ZNF626: variants seen among roughly 807,000 people sequenced by gnomAD.
ZNF626 encodes the protein CTC-513N18.7.
Under a neutral mutation model 11.7 loss-of-function variants are expected in ZNF626, and 4 were observed. The ratio of observed to expected loss-of-function variants is 0.34; its 90% CI spans 0.17 to 0.78. The LOEUF (loss-of-function observed/expected upper bound fraction) is 0.78. Among genes scored for constraint, ZNF626 ranks in the 30% least tolerant of loss-of-function variants. The pLI is 0.57. For synonymous variants in ZNF626, 179 were observed against 198.6 expected, an observed-to-expected ratio of 0.90 and a Z score of 0.83; for missense variants, 588 against 587.1, an observed-to-expected ratio of 1.00 and a Z score of -0.01.
chr19:20,653,970 A>C (rs1555772841), intron 1 of ZNF626, among the ~76,000 whole-genome samples: 2 of 152,204 alleles, frequency 1.3e-5, no homozygotes, highest in Non-Finnish European at 2.9e-5. Context: ...AAGATACTAA[A>C]ATTGTGTTTC....
intron 3 of ZNF626, among the ~76,000 whole-genome samples, chr19:20,629,718 C>G (rs534718677): frequency 8.5e-5 from 13 of 152,268 alleles, no homozygotes; most frequent in African/African-American, 2.9e-4. Context: ...ATCATGTCAT[C>G]TGCAAACAGG....
chr19:20,634,130 G>A (rs1435499122), intron 3 of ZNF626, among the ~76,000 whole-genome samples: 3 of 152,174 alleles, frequency 2.0e-5, no homozygotes, highest in Non-Finnish European at 4.4e-5. Context: ...GTATTTATGT[G>A]TGTGTGTCTC....
chr19:20,640,591 TAGAAA>T (rs782397395), intron 3 of ZNF626, among the ~76,000 whole-genome samples: 8,073 of 150,210 alleles, frequency 0.054, 310 homozygotes, highest in Non-Finnish European at 0.081. Flanking sequence ...AAATTTTTAT[TAGAAA>T]AGTACACAAA....
intron 3 of ZNF626, chr19:20,645,026 A>C (rs1363810374): frequency 6.2e-6 from 1 of 162,528 alleles, no homozygotes; most frequent in South Asian, 2.0e-4. Context: ...ATATTATCCA[A>C]AGTAATCTAT....
At chr19:20,644,365 T>C (rs1970052922) in intron 3 of ZNF626, among the ~76,000 whole-genome samples, 1 of 152,164 alleles carries the variant, frequency 6.6e-6, no homozygotes, top group South Asian at 2.1e-4. Flanking sequence ...GGATATGCAG[T>C]CTGTCCAAAA....
intron 3 of ZNF626, among the ~76,000 whole-genome samples, chr19:20,643,084 A>G (rs1280618837): frequency 6.6e-6 from 1 of 152,120 alleles, no homozygotes; most frequent in African/African-American, 2.4e-5. Context: ...ATATACAGGT[A>G]TTTTGAATCA....
chr19:20,646,564 T>C (rs144497072), intron 1 of ZNF626, among the ~76,000 whole-genome samples, 159 bp from the exon 2 acceptor site: 1,898 of 152,348 alleles, frequency 0.012, 21 homozygotes, highest in Middle Eastern at 0.041. Flanking sequence ...TATTCTCTAA[T>C]GTATTCTCTA....
chr19:20,624,807 G>C lies in ZNF626; in HGVS notation c.1070C>G (p.Thr357Ser). The C allele has an allele frequency of 1.2e-6, 2 of 1,613,694 alleles. No homozygotes were observed. Among genetic ancestry groups the C allele is most frequent in the Non-Finnish European group, 1.7e-6 (2 of 1,179,958 alleles). ...GKAFKYSSTL[T>S]THKRIHTGEK... ...TCCAGTATGAATTCTCTTATGTGTA[G>C]TAAGGGTAGAGGAGTACTTAAAGGC... The change falls in exon 4 of 4, where the codon ACT becomes AGT. Residue 357 changes from threonine (T) to serine (S), a missense_variant. Physicochemically the swap from Thr to Ser is moderately conservative, Grantham distance 58. Transcript: ENST00000601440.
chr19:20,657,763 C>T (rs1381811782), intron 1 of ZNF626, among the ~76,000 whole-genome samples: 1 of 151,990 alleles, frequency 6.6e-6, no homozygotes, highest in Non-Finnish European at 1.5e-5. Context: ...CGAGGTGGCA[C>T]AATTGCACTC....
At chr19:20,661,319 C>G (rs1970265169) in intron 1 of ZNF626, 125 bp downstream of exon 1, 1 of 1,314,730 alleles carries the variant, frequency 7.6e-7, no homozygotes, top group Non-Finnish European at 1.1e-6. Flanking sequence ...CCGAGCTGAG[C>G]AAGGAGAACT....
chr19:20,654,351 G>C (rs959574156), intron 1 of ZNF626, among the ~76,000 whole-genome samples: 1 of 152,104 alleles, frequency 6.6e-6, no homozygotes, highest in Non-Finnish European at 1.5e-5. Context: ...GCTGAGGCAG[G>C]AGAATTGCTT....
At chr19:20,641,415 C>T (rs565803055) in intron 3 of ZNF626, among the ~76,000 whole-genome samples, 4 of 152,074 alleles carry the variant, frequency 2.6e-5, no homozygotes, top group African/African-American at 7.2e-5. Flanking sequence ...ATATGAGATA[C>T]CTTAAGTAGT....
At chr19:20,634,570 T>C (rs1383201160) in intron 3 of ZNF626, among the ~76,000 whole-genome samples, 2 of 151,894 alleles carry the variant, frequency 1.3e-5, no homozygotes, top group East Asian at 3.9e-4. Context: ...TTGAAATAAC[T>C]GGCTGGGTGC....
intron 3 of ZNF626, among the ~76,000 whole-genome samples, chr19:20,636,958 C>T (rs11667375): frequency 0.45 from 65,995 of 146,034 alleles, 15,946 homozygotes; most frequent in African/African-American, 0.64. Context: ...GAGGTGGCGA[C>T]TGTAATGAGC....
rs1970070098 is a variant in ZNF626, at chr19:20,645,743, A to C, written c.167T>G (p.Leu56Arg). Residue 56 changes from leucine to arginine, a missense_variant, in exon 3 of 4, where the codon CTG becomes CGG. Coordinates refer to ENST00000601440, the MANE Select transcript of ZNF626 (RefSeq NM_001076675.3). ...GGTCAAAGGTTTTCTTCCTTGCTCC[A>C]GACAGGTGATCAGGTCTGGCTTAGA... ...TVSKPDLITC[L>R]EQGRKPLTMK... The C allele has an allele frequency of 6.2e-7, 1 of 1,611,536 alleles. No homozygotes were observed. Among genetic ancestry groups the C allele is most frequent in the East Asian group, 2.2e-5 (1 of 44,862 alleles).
chr19:20,625,205 A>T lies in ZNF626; in HGVS notation c.672T>A (p.Thr224=), dbSNP rs781917845. Residue 224 remains threonine (T), a synonymous_variant, in exon 4 of 4, where the codon ACT becomes ACA. Transcript: ENST00000601440. ...CTTCACATTTGTAGGGTTTCTCTCC[A>T]GTATGAATTTTCTTATGTCTAGTAA... is the stretch of plus-strand genomic sequence containing the variant. The part of the protein sequence containing the change: ...CSLTRHKKIH[T]GEKPYKCEEC... The T allele has an allele frequency of 3.7e-6, 6 of 1,613,232 alleles. No homozygotes were observed. The highest frequency in any genetic ancestry group is 3.3e-5 in the Admixed American group (2 of 59,984).
intron 3 of ZNF626, among the ~76,000 whole-genome samples, chr19:20,640,909 G>A (rs782511091): frequency 5.9e-5 from 9 of 152,082 alleles, no homozygotes; most frequent in Non-Finnish European, 5.9e-5. Context: ...CAATTTGGGA[G>A]GCCAAGGTAG....
chr19:20,625,373 A>G lies in ZNF626; in HGVS notation c.504T>C (p.Thr168=), dbSNP rs1317876836. ...PNSNGQKRGH[T]GKKPFKYIEC... is the part of the protein sequence containing the mutation. ...CTATATATTTGAAAGGTTTTTTCCC[A>G]GTATGTCCTCTCTTTTGTCCGTTTG... Residue 168 remains threonine, a synonymous_variant, in exon 4 of 4, where the codon ACT becomes ACC. Coordinates refer to ENST00000601440, the MANE Select transcript of ZNF626 (RefSeq NM_001076675.3). 9.9e-6 allele frequency: 16 copies of G among 1,613,958 alleles called. No individual in the cohort carries two copies. The Admixed American group carries it at 2.0e-4, about 20-fold the overall frequency.
At chr19:20,660,493 C>A (rs1970254166) in intron 1 of ZNF626, among the ~76,000 whole-genome samples, 1 of 152,060 alleles carries the variant, frequency 6.6e-6, no homozygotes, top group East Asian at 1.9e-4. Flanking sequence ...ATGATTGGAT[C>A]TCAGCTCACT....
Sources: gnomAD v4.1 joint callset for allele counts (sites outside exome capture counted in the v4.1 genomes callset) on GRCh38, gnomAD v4.1.1 for gene constraint, MANE v1.5 for transcripts, NCBI Gene and HGNC (gene_info 2026-07-23, HGNC 2026-07-21) for gene names.